The following BBS2 variants were observed in gnomAD, a reference collection of about 807,000 sequenced individuals.
BBS2 encodes Bardet-Biedl syndrome 2.
Under a neutral mutation model 83.0 loss-of-function variants are expected in BBS2, and 62 were observed. The ratio of observed to expected loss-of-function variants is 0.75; its 90% CI spans 0.61 to 0.92. BBS2 has a LOEUF of 0.92. BBS2 is among the 40% of genes least tolerant of loss of function. BBS2 has a pLI of 0.00. For missense variants in BBS2, 784 were observed against 901.0 expected (o/e 0.87, Z 1.66); for synonymous variants, 303 against 326.1 (o/e 0.93, Z 0.76).
chr16:56,510,131 T>C, intron 4 of BBS2, 97 bp from the exon 5 acceptor site: 2 of 1,016,478 alleles, frequency 2.0e-6, no homozygotes. Flanking sequence ...TGCATGCTGC[T>C]TCTGCCACCC....
chr16:56,487,001 T>G (rs867845842), intron 15 of BBS2, among the ~76,000 whole-genome samples: 4 of 152,176 alleles, frequency 2.6e-5, no homozygotes, highest in Middle Eastern at 3.4e-3. Context: ...TGGCTTCAAG[T>G]GATCCACCCA....
chr16:56,493,679 C>T (rs1964028367), intron 15 of BBS2, among the ~76,000 whole-genome samples: 1 of 152,088 alleles, frequency 6.6e-6, no homozygotes, highest in Admixed American at 6.6e-5. Context: ...AAATGCCAAT[C>T]CTCCAAAACT....
downstream of BBS2, among the ~76,000 whole-genome samples, chr16:56,480,914 G>C (rs1465306886): frequency 6.6e-6 from 1 of 152,080 alleles, no homozygotes; most frequent in Non-Finnish European, 1.5e-5. Context: ...ATCACTTTTA[G>C]GAAAAGCAGA....
chr16:56,481,176 C>A (rs753553613), downstream of BBS2, among the ~76,000 whole-genome samples: 1 of 151,866 alleles, frequency 6.6e-6, no homozygotes, highest in Admixed American at 6.6e-5. Context: ...TAAAACACTT[C>A]TAGGGTTGCA....
At chr16:56,478,383 C>G (rs1435352431) in intron 17 of BBS2, 1 of 152,048 alleles carries the variant, frequency 6.6e-6, no homozygotes, top group Non-Finnish European at 1.5e-5. Flanking sequence ...CTGGAGACCA[C>G]AATTTTTTAA....
intron 15 of BBS2, among the ~76,000 whole-genome samples, chr16:56,489,011 C>T (rs763870065): frequency 2.6e-5 from 4 of 151,974 alleles, no homozygotes; most frequent in Admixed American, 6.6e-5. Context: ...GAGCTCCTGG[C>T]CTCAAGCCAT....
chr16:56,474,691 G>A (rs1963373695), intron 17 of BBS2: 6 of 651,198 alleles, frequency 9.2e-6, no homozygotes, highest in East Asian at 6.1e-5. Context: ...TGGATTGGTA[G>A]AATAGCACTT....
intron 17 of BBS2, chr16:56,478,430 CT>C (rs1963571805): frequency 6.6e-6 from 1 of 152,210 alleles, no homozygotes; most frequent in Admixed American, 6.6e-5. Flanking sequence ...ATTGCGAATA[CT>C]GTTACTAATG....
chr16:56,470,640 T>TA (rs1311827633), exon 18 of BBS2: 12 of 1,613,866 alleles, frequency 7.4e-6, no homozygotes, highest in South Asian at 1.1e-5. Context: ...AGATGAATGA[T>TA]AAAAAAGAGG....
chr16:56,518,245 A>G (rs547970129), intron 1 of BBS2, among the ~76,000 whole-genome samples: 1 of 152,238 alleles, frequency 6.6e-6, no homozygotes, highest in Non-Finnish European at 1.5e-5. Flanking sequence ...CCCAAGGCAT[A>G]TAACATACAA....
chr16:56,508,209 T>C (rs12447295), intron 5 of BBS2, among the ~76,000 whole-genome samples: 38,297 of 152,146 alleles, frequency 0.25, 5,489 homozygotes, highest in East Asian at 0.43. Context: ...TTTTGCTTTT[T>C]GTCTCCTTTT....
Position 56,484,743 on chromosome 16 carries a change from G to T in BBS2, c.*18C>A. 6.2e-7 allele frequency: 1 copy of T among 1,604,220 alleles called. No homozygotes were observed. The highest frequency in any genetic ancestry group is 1.1e-5 in the South Asian group (1 of 90,772). ...AGAAAATCTTTGCCAGGAACTTCAT[G>T]ACCTGTATTTTCCTCACCTAGGAAG... On this transcript the variant is annotated 3_prime_UTR_variant, in exon 17 of 17. Transcript: ENST00000245157.
At position 56,519,911 on chromosome 16, in the gene BBS2, G is replaced by A. The variant is rs1435399259; in HGVS notation, c.-49C>T. 2.0e-6 allele frequency: 3 copies of A among 1,515,988 alleles called. No homozygotes were observed. Among genetic ancestry groups the A allele is most frequent in the African/African-American group, 2.7e-5 (2 of 72,846 alleles). 93.9% of individuals were successfully genotyped at this position (1,515,988 alleles called of 1,614,324 possible). On this transcript the variant is annotated 5_prime_UTR_variant, in exon 1 of 17. Coordinates refer to ENST00000245157, the MANE Select transcript of BBS2 (RefSeq NM_031885.5). ...GGGCTGGAAGCTGGAGACAAGCGCA[G>A]CGGAGCTGGCCTCACGCGCCCGGGC...
chr16:56,511,926 G>A (rs1291602408), intron 2 of BBS2, among the ~76,000 whole-genome samples: 1 of 152,104 alleles, frequency 6.6e-6, no homozygotes, highest in African/African-American at 2.4e-5. Context: ...CACAGGCTGG[G>A]AGAAAATATT....
chr16:56,481,437 T>G (rs1963660185), downstream of BBS2, among the ~76,000 whole-genome samples: 1 of 152,044 alleles, frequency 6.6e-6, no homozygotes. Context: ...GGAGAGAGCA[T>G]TTGAGCGGGG....
At chr16:56,475,694 A>T (rs1417834779) in intron 17 of BBS2, 2 of 743,184 alleles carry the variant, frequency 2.7e-6, no homozygotes, top group African/African-American at 1.8e-5. Flanking sequence ...AATGGTTCTA[A>T]TTTCTAGTAG....
chr16:56,475,968 C>G, intron 17 of BBS2: 1 of 1,292,388 alleles, frequency 7.7e-7, no homozygotes, highest in Non-Finnish European at 1.1e-6. Context: ...TGGAAACCAT[C>G]TGTTCCATGG....
At chr16:56,480,303 C>G (rs975790117), downstream of BBS2, among the ~76,000 whole-genome samples, 6 of 136,988 alleles carry the variant, frequency 4.4e-5, no homozygotes, top group East Asian at 1.3e-3. Context: ...CAAAATTCCA[C>G]TGAATGTGGG....
At chr16:56,515,176 T>C (rs1029810165) in intron 1 of BBS2, among the ~76,000 whole-genome samples, 1 of 152,212 alleles carries the variant, frequency 6.6e-6, no homozygotes, top group African/African-American at 2.4e-5. Flanking sequence ...AACCGAGTCA[T>C]GCAAATCAAG....
Sources: gnomAD v4.1 joint callset for allele counts (sites outside exome capture counted in the v4.1 genomes callset) on GRCh38, gnomAD v4.1.1 for gene constraint, MANE v1.5 for transcripts, NCBI Gene and HGNC (gene_info 2026-07-23, HGNC 2026-07-21) for gene names.